PTPRD: variants seen among roughly 807,000 people sequenced by gnomAD.
PTPRD encodes the protein protein tyrosine phosphatase receptor type D, also known as receptor-type tyrosine-protein phosphatase delta.
Under a neutral mutation model 214.5 loss-of-function variants are expected in PTPRD, and 34 were observed. That is an observed-to-expected ratio of 0.16 (90% CI 0.12 to 0.21). The LOEUF is 0.21. Among genes scored for constraint, PTPRD ranks in the 10% least tolerant of loss-of-function variants. PTPRD has a pLI of 1.00. For synonymous variants in PTPRD, 1,128 were observed against 845.7 expected, an observed-to-expected ratio of 1.33 and a Z score of -5.79; for missense variants, 2,545 against 2,398.7, an observed-to-expected ratio of 1.06 and a Z score of -1.27.
intron 9 of PTPRD, among the ~76,000 whole-genome samples, chr9:9,323,491 C>T (rs542996683): frequency 3.3e-5 from 5 of 152,246 alleles, no homozygotes; most frequent in African/African-American, 1.2e-4. Flanking sequence ...TCTAACTCCA[C>T]ATTCAGTGCT....
chr9:10,300,034 T>TA (rs1455665769), intron 3 of PTPRD, among the ~76,000 whole-genome samples: 1 of 152,176 alleles, frequency 6.6e-6, no homozygotes, highest in African/African-American at 2.4e-5. Context: ...TATACATTGT[T>TA]AAAAATCTCT....
intron 20 of PTPRD, among the ~76,000 whole-genome samples, chr9:8,519,348 A>C (rs952101447): frequency 3.9e-5 from 6 of 152,160 alleles, no homozygotes; most frequent in Non-Finnish European, 8.8e-5. Context: ...AAATACTACT[A>C]ATTAAAAATA....
intron 7 of PTPRD, among the ~76,000 whole-genome samples, chr9:9,636,874 G>C (rs778615856): frequency 2.0e-5 from 3 of 152,126 alleles, no homozygotes; most frequent in Admixed American, 1.3e-4. Context: ...TAAGATCAAT[G>C]TGCCAACAAT....
chr9:8,593,775 G>A (rs955972071), intron 14 of PTPRD, among the ~76,000 whole-genome samples: 1 of 152,100 alleles, frequency 6.6e-6, no homozygotes, highest in African/African-American at 2.4e-5. Flanking sequence ...ATCACAAATG[G>A]TGATGATGAT....
intron 8 of PTPRD, among the ~76,000 whole-genome samples, chr9:9,467,922 C>T (rs981900837): frequency 2.0e-5 from 3 of 152,086 alleles, no homozygotes; most frequent in African/African-American, 7.2e-5. Flanking sequence ...TAAGATTTTG[C>T]ACACATGTTC....
chr9:10,363,760 C>T (rs553895372), intron 2 of PTPRD, among the ~76,000 whole-genome samples: 3 of 151,762 alleles, frequency 2.0e-5, no homozygotes, highest in Non-Finnish European at 4.4e-5. Flanking sequence ...AATGTGACCC[C>T]TTATGGGTTT....
chr9:8,870,687 AACACACACACACACACACAC>A (rs3046878), intron 11 of PTPRD, among the ~76,000 whole-genome samples: 6 of 131,468 alleles, frequency 4.6e-5, no homozygotes, highest in Middle Eastern at 4.3e-3. Context: ...ACAGACATGA[AACACACACACACACACACAC>A]ACACACACAC....
At chr9:9,160,271 A>G (rs2099885401) in intron 10 of PTPRD, among the ~76,000 whole-genome samples, 1 of 152,178 alleles carries the variant, frequency 6.6e-6, no homozygotes, top group African/African-American at 2.4e-5. Context: ...AGAACAGGAG[A>G]AAATATTTGC....
chr9:9,290,360 C>G (rs1950763013), intron 9 of PTPRD, among the ~76,000 whole-genome samples: 1 of 151,542 alleles, frequency 6.6e-6, no homozygotes, highest in South Asian at 2.1e-4. Flanking sequence ...ATATTAACGC[C>G]TTGTCATATA....
intron 2 of PTPRD, among the ~76,000 whole-genome samples, chr9:10,381,676 T>C (rs540302623): frequency 6.6e-6 from 1 of 152,074 alleles, no homozygotes; most frequent in South Asian, 2.1e-4. Flanking sequence ...CATAACTCTT[T>C]CAGGAAACTA....
At chr9:9,235,107 T>C (rs1193442320) in intron 9 of PTPRD, among the ~76,000 whole-genome samples, 1 of 152,124 alleles carries the variant, frequency 6.6e-6, no homozygotes, top group Non-Finnish European at 1.5e-5. Flanking sequence ...AAACTTATAA[T>C]CATGGCAGAA....
At chr9:8,934,000 T>C (rs1036529122) in intron 11 of PTPRD, among the ~76,000 whole-genome samples, 1 of 151,976 alleles carries the variant, frequency 6.6e-6, no homozygotes, top group Non-Finnish European at 1.5e-5. Context: ...AAATGAAAGA[T>C]TGGGCTCTAA....
chr9:9,417,741 C>A (rs1248958122), intron 8 of PTPRD, among the ~76,000 whole-genome samples: 1 of 151,984 alleles, frequency 6.6e-6, no homozygotes, highest in Non-Finnish European at 1.5e-5. Flanking sequence ...GTCATTTAAC[C>A]TCTTCAAAAC....
chr9:10,469,473 G>C (rs1054860922), intron 2 of PTPRD, among the ~76,000 whole-genome samples: 12 of 152,062 alleles, frequency 7.9e-5, no homozygotes, highest in Admixed American at 6.6e-4. Context: ...AATTATACTA[G>C]ATTCAGTGCA....
At chr9:9,766,625 A>G (rs1178068368) in intron 6 of PTPRD, among the ~76,000 whole-genome samples, 185 bp downstream of exon 6, 1 of 152,114 alleles carries the variant, frequency 6.6e-6, no homozygotes, top group Non-Finnish European at 1.5e-5. Flanking sequence ...TACCCAGGCA[A>G]TGGTATATAT....
At chr9:9,298,435 C>T (rs1953964779) in intron 9 of PTPRD, among the ~76,000 whole-genome samples, 1 of 151,676 alleles carries the variant, frequency 6.6e-6, no homozygotes, top group African/African-American at 2.4e-5. Context: ...TTTTAACTTT[C>T]ATGGCAGATG....
intron 11 of PTPRD, among the ~76,000 whole-genome samples, chr9:8,936,982 T>G (rs977246776): frequency 2.0e-5 from 3 of 152,070 alleles, no homozygotes; most frequent in Non-Finnish European, 4.4e-5. Flanking sequence ...GGTTTATTTG[T>G]TTTTGGTAAC....
chr9:9,030,711 G>T (rs1394479736), intron 10 of PTPRD, among the ~76,000 whole-genome samples: 1 of 151,568 alleles, frequency 6.6e-6, no homozygotes, highest in Non-Finnish European at 1.5e-5. Flanking sequence ...TTTTTCTGTA[G>T]GACCTTTATT....
intron 7 of PTPRD, among the ~76,000 whole-genome samples, chr9:9,648,665 T>C (rs2096258175): frequency 6.6e-6 from 1 of 152,282 alleles, no homozygotes; most frequent in Non-Finnish European, 1.5e-5. Context: ...CAAAACCATA[T>C]TTTGTCTATA....
Sources: gnomAD v4.1 joint callset for allele counts (sites outside exome capture counted in the v4.1 genomes callset) on GRCh38, gnomAD v4.1.1 for gene constraint, MANE v1.5 for transcripts, NCBI Gene and HGNC (gene_info 2026-07-23, HGNC 2026-07-21) for gene names.